The following GPR158 variants were observed in gnomAD, a reference collection of about 807,000 sequenced individuals.
The protein encoded by GPR158 is metabotropic glycine receptor.
Under a neutral mutation model 78.2 loss-of-function variants are expected in GPR158, and 30 were observed. That is an observed-to-expected ratio of 0.38 (90% CI 0.29 to 0.52). The LOEUF is 0.52. Ranked by LOEUF, GPR158 falls within the 20% of genes least tolerant of loss-of-function variation. GPR158 has a pLI of 0.83. For synonymous variants in GPR158, 581 were observed against 591.1 expected (o/e 0.98, Z 0.25); for missense variants, 1,463 against 1,523.5 (o/e 0.96, Z 0.66).
intron 8 of GPR158, 96 bp downstream of exon 8, chr10:25,589,241 T>C: frequency 1.3e-6 from 1 of 768,134 alleles, no homozygotes; most frequent in Non-Finnish European, 1.9e-6. Context: ...ATAGAAAGAC[T>C]TAGCAAAGAT....
At chr10:25,309,681 A>C (rs1232964655) in intron 2 of GPR158, among the ~76,000 whole-genome samples, 1 of 152,086 alleles carries the variant, frequency 6.6e-6, no homozygotes, top group East Asian at 1.9e-4. Flanking sequence ...ACCTGGTTGG[A>C]GATAATTGAA....
At chr10:25,433,536 G>GTGTGTGTGTGTGTGT (rs150589257) in intron 4 of GPR158, among the ~76,000 whole-genome samples, 48,995 of 131,050 alleles carry the variant, frequency 0.37, 11,341 homozygotes, top group Middle Eastern at 0.5. Context: ...TTAGGGGTGT[G>GTGTGTGTGTGTGTGT]TGTGTGTGTG....
intron 7 of GPR158, among the ~76,000 whole-genome samples, chr10:25,581,272 T>C (rs1008811323): frequency 4.6e-5 from 7 of 152,162 alleles, no homozygotes; most frequent in Admixed American, 3.9e-4. Flanking sequence ...ACTTGCTGTG[T>C]TGACCAGGCT....
chr10:25,336,520 G>C (rs112796708), intron 2 of GPR158, among the ~76,000 whole-genome samples: 1 of 151,950 alleles, frequency 6.6e-6, no homozygotes. Context: ...ATCTTATCCT[G>C]TTTGGTGCAA....
intron 3 of GPR158, among the ~76,000 whole-genome samples, chr10:25,400,621 C>G (rs1008554414): frequency 6.6e-6 from 1 of 152,160 alleles, no homozygotes; most frequent in African/African-American, 2.4e-5. Context: ...ACTGATGTTT[C>G]ACTGTCTCTT....
intron 2 of GPR158, among the ~76,000 whole-genome samples, chr10:25,299,229 G>GGT (rs113252109): frequency 0.013 from 1,999 of 151,224 alleles, 46 homozygotes; most frequent in African/African-American, 0.044. Context: ...CACTTAAGTG[G>GGT]GTGTGTGTGT....
intron 3 of GPR158, among the ~76,000 whole-genome samples, chr10:25,397,675 C>T (rs560526042): frequency 6.6e-5 from 10 of 152,234 alleles, no homozygotes; most frequent in East Asian, 5.8e-4. Context: ...CCGTCTCCTC[C>T]GCCGCATATT....
At chr10:25,411,796 G>C (rs925288101) in intron 3 of GPR158, among the ~76,000 whole-genome samples, 2 of 151,640 alleles carry the variant, frequency 1.3e-5, no homozygotes, top group Admixed American at 1.3e-4. Context: ...TTAGCCGGGC[G>C]TGGTGGTGGG....
intron 2 of GPR158, among the ~76,000 whole-genome samples, chr10:25,258,584 A>G (rs549681564): frequency 5.3e-5 from 8 of 152,198 alleles, no homozygotes; most frequent in African/African-American, 1.4e-4. Context: ...TAAATTATGT[A>G]TCTATTTAGA....
chr10:25,403,243 TG>T (rs1834469478), intron 3 of GPR158, among the ~76,000 whole-genome samples: 1 of 152,012 alleles, frequency 6.6e-6, no homozygotes, highest in Admixed American at 6.6e-5. Context: ...AGAAGTTTTA[TG>T]TTTTTTTCTT....
chr10:25,466,129 A>G (rs1238515709), intron 4 of GPR158: 2 of 152,526 alleles, frequency 1.3e-5, no homozygotes, highest in African/African-American at 2.4e-5. Context: ...AAGACACCCA[A>G]GCCGGAAACA....
intron 5 of GPR158, among the ~76,000 whole-genome samples, chr10:25,535,744 G>A (rs911038911): frequency 7.2e-5 from 11 of 152,152 alleles, no homozygotes; most frequent in African/African-American, 2.7e-4. Context: ...TTCTGACTCT[G>A]CTTCGACAAA....
At chr10:25,397,450 T>C (rs1427313564) in intron 3 of GPR158, among the ~76,000 whole-genome samples, 1 of 152,158 alleles carries the variant, frequency 6.6e-6, no homozygotes, top group Admixed American at 6.5e-5. Context: ...CCATAAATCT[T>C]TGCCAGCCCT....
intron 2 of GPR158, among the ~76,000 whole-genome samples, chr10:25,378,647 A>G (rs970458946): frequency 6.6e-6 from 1 of 151,614 alleles, no homozygotes. Flanking sequence ...AATATTTTTT[A>G]ATACTTTTAG....
intron 2 of GPR158, among the ~76,000 whole-genome samples, chr10:25,385,945 C>A (rs1205966114): frequency 6.6e-6 from 1 of 152,076 alleles, no homozygotes; most frequent in Non-Finnish European, 1.5e-5. Flanking sequence ...TTCTTTGATG[C>A]AAATAAGTTT....
At chr10:25,530,818 T>A (rs772571391) in intron 5 of GPR158, among the ~76,000 whole-genome samples, 3 of 152,190 alleles carry the variant, frequency 2.0e-5, no homozygotes, top group Non-Finnish European at 4.4e-5. Flanking sequence ...TCTTTCTTCA[T>A]CAGTACTAAG....
intron 4 of GPR158, among the ~76,000 whole-genome samples, chr10:25,437,366 C>G (rs889681882): frequency 6.6e-6 from 1 of 150,848 alleles, no homozygotes; most frequent in African/African-American, 2.4e-5. Flanking sequence ...GCTAGGACTA[C>G]AGGTGCACAT....
At chr10:25,368,992 A>T (rs1269256243) in intron 2 of GPR158, among the ~76,000 whole-genome samples, 2 of 149,582 alleles carry the variant, frequency 1.3e-5, no homozygotes, top group Non-Finnish European at 3.0e-5. Context: ...GGTGTATAGG[A>T]ATGCTTGTGA....
intron 7 of GPR158, among the ~76,000 whole-genome samples, chr10:25,586,392 T>A (rs979843795): frequency 4.1e-5 from 1 of 24,360 alleles, no homozygotes; most frequent in Non-Finnish European, 7.4e-5. Flanking sequence ...TATGTGTGAA[T>A]TTTTTTTTTT....
Sources: gnomAD v4.1 joint callset for allele counts (sites outside exome capture counted in the v4.1 genomes callset) on GRCh38, gnomAD v4.1.1 for gene constraint, MANE v1.5 for transcripts, NCBI Gene and HGNC (gene_info 2026-07-23, HGNC 2026-07-21) for gene names.